Variants in ASIC2 observed in about 807,000 individuals in gnomAD.
ASIC2 encodes the protein acid-sensing ion channel 2.
A neutral mutation model predicts 57.3 loss-of-function variants in ASIC2; 25 were observed. The observed-to-expected ratio is 0.44, with a 90% CI of 0.32 to 0.61. The LOEUF is 0.61. ASIC2 is among the 20% of genes least tolerant of loss of function. The pLI is 0.06. For missense variants in ASIC2, 641 were observed against 738.1 expected (o/e 0.87, Z 1.52); for synonymous variants, 319 against 307.5 (o/e 1.04, Z -0.39).
At chr17:33,572,565 T>C (rs968179670) in intron 1 of ASIC2, among the ~76,000 whole-genome samples, 2 of 152,116 alleles carry the variant, frequency 1.3e-5, no homozygotes, top group Admixed American at 1.3e-4. Context: ...CAACCCTTGG[T>C]CATAAATAGG....
intron 1 of ASIC2, among the ~76,000 whole-genome samples, chr17:33,831,299 C>T (rs1190981858): frequency 6.6e-6 from 1 of 151,800 alleles, no homozygotes; most frequent in Non-Finnish European, 1.5e-5. Flanking sequence ...GATTTTATTT[C>T]CCCAGACATG....
intron 1 of ASIC2, among the ~76,000 whole-genome samples, chr17:33,661,782 C>T (rs544112446): frequency 3.2e-4 from 48 of 152,306 alleles, no homozygotes; most frequent in Admixed American, 8.5e-4. Flanking sequence ...GAATGAAAGT[C>T]AGGCCTTTCT....
intron 1 of ASIC2, among the ~76,000 whole-genome samples, chr17:34,040,652 T>G (rs1908096789): frequency 6.6e-6 from 1 of 152,140 alleles, no homozygotes; most frequent in Non-Finnish European, 1.5e-5. Flanking sequence ...CTGAGTCCTC[T>G]TCATTGCATG....
At chr17:33,155,720 C>A (rs1904980278) in intron 1 of ASIC2, among the ~76,000 whole-genome samples, 1 of 151,770 alleles carries the variant, frequency 6.6e-6, no homozygotes, top group East Asian at 1.9e-4. Flanking sequence ...CTACCACACC[C>A]AGCTAATTTT....
At chr17:33,041,919 G>A (rs2091931612) in intron 3 of ASIC2, among the ~76,000 whole-genome samples, 1 of 152,170 alleles carries the variant, frequency 6.6e-6, no homozygotes, top group South Asian at 2.1e-4. Context: ...GTGGCCCTGT[G>A]AGGTCCCCCT....
intron 1 of ASIC2, among the ~76,000 whole-genome samples, chr17:33,431,926 C>T (rs1459642101): frequency 1.3e-5 from 2 of 152,110 alleles, no homozygotes; most frequent in Non-Finnish European, 2.9e-5. Context: ...ACTGAAAAGA[C>T]ATTAAGAAAA....
chr17:33,604,998 A>G (rs567150827), intron 1 of ASIC2, among the ~76,000 whole-genome samples: 2 of 151,358 alleles, frequency 1.3e-5, no homozygotes, highest in South Asian at 4.2e-4. Context: ...TGCCCTACAC[A>G]CATATATTAC....
intron 1 of ASIC2, among the ~76,000 whole-genome samples, chr17:33,470,045 G>A (rs1354714691): frequency 6.6e-6 from 1 of 152,170 alleles, no homozygotes; most frequent in East Asian, 1.9e-4. Context: ...AATGTGCACT[G>A]AAATGGGGAA....
intron 1 of ASIC2, among the ~76,000 whole-genome samples, chr17:33,576,381 A>G (rs923058661): frequency 2.0e-5 from 3 of 152,198 alleles, no homozygotes; most frequent in Admixed American, 2.0e-4. Flanking sequence ...TATAGATGTG[A>G]CTAGGTATGG....
intron 1 of ASIC2, among the ~76,000 whole-genome samples, chr17:33,890,227 A>G (rs2098397904): frequency 6.6e-6 from 1 of 152,152 alleles, no homozygotes; most frequent in Non-Finnish European, 1.5e-5. Flanking sequence ...CACTTAGACA[A>G]TTCTATTGGA....
In ASIC2 at chr17:34,137,279, C is replaced by A. The variant is rs369376721; in HGVS notation, c.555+18699G>T. 3.9e-5 allele frequency among the ~76,000 whole-genome samples: 6 copies of A among 152,344 alleles called. 1 individual carries two copies. The highest frequency in any genetic ancestry group is 1.4e-4 in the African/African-American group (6 of 41,580). On this transcript the variant is annotated intron_variant, in intron 1 of 9. Coordinates refer to the ASIC2 transcript ENST00000359872. ...TGGACATCAGGTTGAATTAACTGCA[C>A]ATGGTAGACATGTGATTGATCCTCC... is the stretch of plus-strand genomic sequence containing the variant.
chr17:33,530,935 A>T (rs2141960800), intron 1 of ASIC2, among the ~76,000 whole-genome samples: 1 of 152,334 alleles, frequency 6.6e-6, no homozygotes, highest in South Asian at 2.1e-4. Flanking sequence ...ATTAGACAAG[A>T]ACTTGCTGAG....
chr17:33,763,950 C>G (rs1910858014), intron 1 of ASIC2, among the ~76,000 whole-genome samples: 1 of 152,176 alleles, frequency 6.6e-6, no homozygotes, highest in Non-Finnish European at 1.5e-5. Context: ...TGCATCAACT[C>G]CATCCTGGGG....
At chr17:33,745,335 G>T (rs1470305474) in intron 1 of ASIC2, among the ~76,000 whole-genome samples, 7 of 151,858 alleles carry the variant, frequency 4.6e-5, no homozygotes, top group Admixed American at 4.6e-4. Flanking sequence ...GTTGGGGGAG[G>T]TCAAAATGTA....
At chr17:33,055,609 T>C (rs544497638) in intron 3 of ASIC2, among the ~76,000 whole-genome samples, 1 of 152,314 alleles carries the variant, frequency 6.6e-6, no homozygotes, top group Admixed American at 6.5e-5. Context: ...ACTCCAGGGC[T>C]TAAGCGATCT....
chr17:33,675,954 C>T (rs1264846105), intron 1 of ASIC2, among the ~76,000 whole-genome samples: 2 of 152,192 alleles, frequency 1.3e-5, no homozygotes, highest in Admixed American at 6.5e-5. Flanking sequence ...GGCAATCCAG[C>T]GTCAAGCAAG....
chr17:33,973,675 C>T (rs1277165959), intron 1 of ASIC2, among the ~76,000 whole-genome samples: 1 of 152,152 alleles, frequency 6.6e-6, no homozygotes, highest in Admixed American at 6.5e-5. Context: ...GTGGCTTGTT[C>T]CTGCTCACTC....
At chr17:34,121,753 C>A (rs1313159034) in intron 1 of ASIC2, among the ~76,000 whole-genome samples, 10 of 152,224 alleles carry the variant, frequency 6.6e-5, no homozygotes, top group African/African-American at 2.2e-4. Context: ...CATTCCCATG[C>A]ACCCTTTGCT....
intron 1 of ASIC2, among the ~76,000 whole-genome samples, chr17:33,602,380 C>T (rs1048093107): frequency 2.6e-5 from 4 of 152,030 alleles, no homozygotes; most frequent in South Asian, 4.1e-4. Flanking sequence ...TGTCATTATC[C>T]CAGGAGTAGG....
Sources: gnomAD v4.1 joint callset for allele counts (sites outside exome capture counted in the v4.1 genomes callset) on GRCh38, gnomAD v4.1.1 for gene constraint, MANE v1.5 for transcripts, NCBI Gene and HGNC (gene_info 2026-07-23, HGNC 2026-07-21) for gene names.